DPYSL5: variants seen among roughly 807,000 people sequenced by gnomAD.
DPYSL5 encodes dihydropyrimidinase like 5.
A neutral mutation model predicts 58.4 loss-of-function variants in DPYSL5; 9 were observed. The observed-to-expected ratio is 0.15, with a 90% CI of 0.09 to 0.27. The LOEUF (loss-of-function observed/expected upper bound fraction) is 0.27. DPYSL5 is among the 10% of genes least tolerant of loss of function. The pLI is 1.00. For synonymous variants in DPYSL5, 293 were observed against 301.9 expected, an observed-to-expected ratio of 0.97 and a Z score of 0.31; for missense variants, 499 against 770.6, an observed-to-expected ratio of 0.65 and a Z score of 4.17.
intron 6 of DPYSL5, among the ~76,000 whole-genome samples, chr2:26,932,892 T>A (rs1262858036): frequency 1.3e-5 from 2 of 152,194 alleles, no homozygotes; most frequent in African/African-American, 4.8e-5. Context: ...TAACTCTAGG[T>A]CATCACGTTT....
intron 1 of DPYSL5, among the ~76,000 whole-genome samples, chr2:26,872,462 T>G (rs549090385): frequency 1.3e-5 from 2 of 152,050 alleles, no homozygotes; most frequent in Non-Finnish European, 2.9e-5. Flanking sequence ...GAGGCCGAGG[T>G]GGGCGGATCA....
intron 1 of DPYSL5, among the ~76,000 whole-genome samples, chr2:26,865,482 A>T (rs766177041): frequency 6.6e-6 from 1 of 151,726 alleles, no homozygotes; most frequent in Non-Finnish European, 1.5e-5. Flanking sequence ...CACCACGCCC[A>T]GCTAATTTTT....
At chr2:26,875,186 A>G (rs1663378737) in intron 1 of DPYSL5, among the ~76,000 whole-genome samples, 1 of 152,012 alleles carries the variant, frequency 6.6e-6, no homozygotes, top group Non-Finnish European at 1.5e-5. Flanking sequence ...CAGATTGGGA[A>G]GGAACTAGGA....
chr2:26,915,883 C>T (rs898487005), intron 2 of DPYSL5, among the ~76,000 whole-genome samples: 2 of 152,108 alleles, frequency 1.3e-5, no homozygotes, highest in Non-Finnish European at 2.9e-5. Flanking sequence ...GTCCCTCCAG[C>T]CTAATAGATG....
intron 8 of DPYSL5, chr2:26,939,516 G>A (rs539478299): frequency 1.3e-4 from 20 of 156,778 alleles, no homozygotes; most frequent in Non-Finnish European, 2.8e-4. Flanking sequence ...TACCACTCTC[G>A]GTCTATTAAG....
rs1664077818 is a variant in DPYSL5 at position 26,898,693 on chromosome 2, C to T, written c.194C>T (p.Thr65Ile). 6.2e-7 allele frequency: 1 copy of T among 1,614,140 alleles called. No homozygotes were observed. Among genetic ancestry groups the T allele is most frequent in the Middle Eastern group, 1.7e-4 (1 of 6,058 alleles). The change falls in exon 2 of 13, where the codon ACC (threonine) becomes ATC (isoleucine). Residue 65 changes from threonine to isoleucine, a missense_variant. By Grantham distance (89) the Thr-to-Ile change is moderately conservative. This residue lies in a region of DPYSL5 where 404 missense variants were observed against 647.6 expected (regional missense o/e 0.62). Transcript: ENST00000288699. The surrounding 1 kb of genome is among the most constrained non-coding windows in gnomAD (Gnocchi z 6.1). The part of the protein sequence containing the change: ...GKLVIPGGID[T>I]STHFHQTFMN... The stretch of plus-strand genomic sequence containing the variant: ...CTGGTGATCCCTGGTGGCATCGACA[C>T]CAGCACCCACTTCCACCAGACCTTC...
At position 26,941,909 on chromosome 2, in the gene DPYSL5, C is replaced by A. The variant is rs767298253; in HGVS notation, c.1090-41C>A. ...GGTGACCAAGGGTTTGAGACCCACC[C>A]CCAGAGCCTGGTTGACTTGACACTT... On this transcript the variant is annotated intron_variant, in intron 9 of 12. Transcript: ENST00000288699. The A allele has an allele frequency of 2.1e-5, 34 of 1,612,850 alleles. No individual in the cohort carries two copies. In the Admixed American group the frequency reaches 5.5e-4, roughly 26 times the overall value.
intron 2 of DPYSL5, among the ~76,000 whole-genome samples, chr2:26,919,432 C>T (rs1175806315): frequency 6.6e-6 from 1 of 152,080 alleles, no homozygotes; most frequent in Non-Finnish European, 1.5e-5. Context: ...ATGTCAAAAA[C>T]AAAATAATAG....
At chr2:26,895,775 CTTTTTTTT>C (rs869030530) in intron 1 of DPYSL5, among the ~76,000 whole-genome samples, 1 of 101,086 alleles carries the variant, frequency 9.9e-6, no homozygotes, top group Non-Finnish European at 2.0e-5. Flanking sequence ...ATTTCTTTTT[CTTTTTTTT>C]TTTTTTTTTT....
rs75019960 is a variant in DPYSL5, at chr2:26,873,467, G to A, written c.-4-25029G>A. Among the ~76,000 whole-genome samples the A allele has an allele frequency of 8.9e-3, 1,351 of 152,278 alleles. 11 individuals carry two copies. Among genetic ancestry groups the A allele is most frequent in the Non-Finnish European group, 0.014 (930 of 68,040 alleles). On this transcript the variant is annotated intron_variant, in intron 1 of 12. Transcript: ENST00000288699. ...AGACATTTTTGGTTGTCACAACTGGGCAGGTACTACTGGTATGTAGTGGGG... is the reference window on the plus strand; with the variant it reads ...AGACATTTTTGGTTGTCACAACTGGACAGGTACTACTGGTATGTAGTGGGG...
chr2:26,874,802 G>A (rs985585199), intron 1 of DPYSL5, among the ~76,000 whole-genome samples: 1 of 152,054 alleles, frequency 6.6e-6, no homozygotes, highest in Admixed American at 6.6e-5. Context: ...TTCCAAAATT[G>A]GTTTGCCTGT....
intron 1 of DPYSL5, among the ~76,000 whole-genome samples, chr2:26,857,130 G>C (rs1026546590): frequency 1.3e-5 from 2 of 151,978 alleles, no homozygotes; most frequent in Non-Finnish European, 2.9e-5. Context: ...TATCATTCCA[G>C]AGATGTCCTG....
rs377267408 is a variant in DPYSL5 at position 26,944,766 on chromosome 2, G to C, written c.1551G>C (p.Arg517=). ...CCCCACTCGCAGACACTCCTACCCG[G>C]CCCGTCACCCGGCATGGGGGCATGA... ...MGTPLADTPT[R]PVTRHGGMRD... The change falls in exon 12 of 13, where the codon CGG becomes CGC. Residue 517 remains arginine, a synonymous_variant. Coordinates refer to ENST00000288699, the MANE Select transcript of DPYSL5 (RefSeq NM_020134.4). This position sits in a 1 kb window ranked among gnomAD's most constrained non-coding sequence, Gnocchi z 4.4. The C allele has an allele frequency of 2.4e-5, 39 of 1,613,994 alleles. No homozygotes were observed. Among genetic ancestry groups the C allele is most frequent in the Non-Finnish European group, 3.0e-5 (35 of 1,180,016 alleles).
Position 26,950,328 on chromosome 2 carries a change from G to T in DPYSL5, c.*3333G>T, listed in dbSNP as rs141830050. On this transcript the variant is annotated 3_prime_UTR_variant, in exon 13 of 13. Transcript: ENST00000288699. The surrounding 1 kb of genome is among the most constrained non-coding windows in gnomAD (Gnocchi z 5.3). The stretch of plus-strand genomic sequence containing the variant: ...ACACGTTGTGTTCTGGTGCAGGTTT[G>T]TATTAAACTGTAGCTACTTCTCACT... The T allele has an allele frequency of 6.6e-6, 1 of 152,330 alleles. No homozygotes were observed. Among genetic ancestry groups the T allele is most frequent in the African/African-American group, 2.4e-5 (1 of 41,574 alleles). 9.4% of individuals were successfully genotyped at this position (152,330 alleles called of 1,614,324 possible). A position where few individuals can be genotyped will look rare whatever the true frequency, so the allele number is the denominator to read the frequency against.
intron 1 of DPYSL5, among the ~76,000 whole-genome samples, chr2:26,868,488 C>A (rs757853775): frequency 4.6e-5 from 7 of 152,086 alleles, no homozygotes; most frequent in Non-Finnish European, 8.8e-5. Flanking sequence ...TAAATAAATT[C>A]CAGATGGATT....
In DPYSL5 at chr2:26,941,948, A is replaced by G; in HGVS notation, c.1090-2A>G. 1 of 1,614,096 alleles carries G rather than the reference A, an allele frequency of 6.2e-7. No individual in the cohort carries two copies. The highest frequency in any genetic ancestry group is 8.5e-7 in the Non-Finnish European group (1 of 1,180,028). Reference sequence around the variant, plus strand: ...GACTTGACACTTTCTGCAACATTTCAGGTTGGAGGAAAGATGGATGAGAAC... The same window carrying G: ...GACTTGACACTTTCTGCAACATTTCGGGTTGGAGGAAAGATGGATGAGAAC... On this transcript the variant is annotated splice_acceptor_variant, in intron 9 of 12. Coordinates refer to ENST00000288699, the MANE Select transcript of DPYSL5 (RefSeq NM_020134.4). LOFTEE classifies it high-confidence loss of function.
chr2:26,859,737 G>A (rs1665964449), intron 1 of DPYSL5, among the ~76,000 whole-genome samples: 1 of 152,106 alleles, frequency 6.6e-6, no homozygotes, highest in African/African-American at 2.4e-5. Flanking sequence ...GAGATGATTC[G>A]GTTATGAGAC....
At chr2:26,867,467 T>TTTGTTTTTG (rs1558323501) in intron 1 of DPYSL5, among the ~76,000 whole-genome samples, 3 of 149,780 alleles carry the variant, frequency 2.0e-5, no homozygotes, top group African/African-American at 7.4e-5. Flanking sequence ...TTGTTTTTTT[T>TTTGTTTTTG]TTTTTTGAGA....
At chr2:26,939,037 A>G (rs1665252538) in intron 8 of DPYSL5, 1 of 152,376 alleles carries the variant, frequency 6.6e-6, no homozygotes, top group Admixed American at 6.5e-5. Flanking sequence ...ATCTGCTGCC[A>G]TGAGCCCTCT....
Sources: gnomAD v4.1 joint callset for allele counts (sites outside exome capture counted in the v4.1 genomes callset) on GRCh38, gnomAD v4.1.1 for gene constraint, gnomAD v4.1.1 regional missense constraint, Gnocchi (gnomAD v3.1) non-coding constraint, MANE v1.5 for transcripts, NCBI Gene and HGNC (gene_info 2026-07-23, HGNC 2026-07-21) for gene names.